ELK1: variants seen among roughly 807,000 people sequenced by gnomAD.
ELK1 encodes the protein ETS transcription factor ELK1.
For synonymous variants in ELK1, 163 were observed against 176.3 expected (o/e 0.92, Z 0.60); for missense variants, 254 against 381.5 (o/e 0.67, Z 2.78).
At chrX:47,650,200 C>G (rs1467833816) in intron 1 of ELK1, among the ~76,000 whole-genome samples, 174 bp from the exon 2 acceptor site, 1 of 110,196 alleles carries the variant, frequency 9.1e-6, no homozygotes, top group Non-Finnish European at 1.9e-5. Flanking sequence ...AGCACGCAGA[C>G]CGATCCATTA....
In ELK1 at chrX:47,639,149, G is replaced by C; in HGVS notation, c.400C>G (p.Pro134Ala). Residue 134 changes from proline (P) to alanine (A), a missense_variant, in exon 4 of 7, where the codon CCC becomes GCC. Physicochemically the swap from Pro to Ala is conservative, Grantham distance 27. Coordinates refer to ENST00000376983, the MANE Select transcript of ELK1 (RefSeq NM_001114123.3). Reference protein sequence around the residue: ...GDTVSGKPGTPKGAGMAGPGG... With the variant: ...GDTVSGKPGTAKGAGMAGPGG... ...GGGCCTGCCATTCCTGCACCCTTGGGTGTGCCTGGCTTTCCAGAGACAGTG... is the reference window on the plus strand; with the variant it reads ...GGGCCTGCCATTCCTGCACCCTTGGCTGTGCCTGGCTTTCCAGAGACAGTG... The C allele has an allele frequency of 8.3e-7, 1 of 1,208,156 alleles. No individual in the cohort carries two copies. Among genetic ancestry groups the C allele is most frequent in the Non-Finnish European group, 1.1e-6 (1 of 893,583 alleles).
rs192153480 is a variant in ELK1 at position 47,638,976 on chromosome X, C to G, written c.573G>C (p.Ala191=). The change falls in exon 4 of 7, where the codon GCG becomes GCC. Residue 191 remains alanine (A), a synonymous_variant. Transcript: ENST00000376983. ...LPSAAPAGAA[A]PPSGSRSTSP... ...TGGTGCTCCTGCTCCCCGAGGGGGG[C>G]GCTGCTGCCCCTGCAGGAGCTGCAC... 1 of 1,198,591 alleles carries G rather than the reference C, an allele frequency of 8.3e-7. No homozygotes were observed. Among genetic ancestry groups the G allele is most frequent in the African/African-American group, 1.7e-5 (1 of 57,438 alleles).
chrX:47,644,994 C>G (rs1367572041), intron 2 of ELK1, among the ~76,000 whole-genome samples: 1 of 111,058 alleles, frequency 9.0e-6, no homozygotes, highest in Non-Finnish European at 1.9e-5. Flanking sequence ...CGAGAAGTAG[C>G]TGGGGTCTGG....
In ELK1 at chrX:47,636,272, T is replaced by C. The variant is rs766329948; in HGVS notation, c.*557A>G. The C allele has an allele frequency of 1.8e-5, 2 of 112,396 alleles. No homozygotes were observed. The highest frequency in any genetic ancestry group is 1.9e-4 in the Admixed American group (2 of 10,650). 9.3% of individuals were successfully genotyped at this position (112,396 alleles called of 1,213,427 possible). A position where few individuals can be genotyped will look rare whatever the true frequency, so the allele number is the denominator to read the frequency against. ...TCTATTCCAAGGGTGTGATTCTTCC[T>C]TGGCCAAGACTCCCAACCCATTAAA... On this transcript the variant is annotated 3_prime_UTR_variant, in exon 7 of 7. Coordinates refer to ENST00000376983, the MANE Select transcript of ELK1 (RefSeq NM_001114123.3).
intron 3 of ELK1, among the ~76,000 whole-genome samples, chrX:47,640,744 A>C (rs779771921): frequency 7.3e-4 from 82 of 111,879 alleles, no homozygotes; most frequent in Non-Finnish European, 1.4e-3. Context: ...GGAGTCCCAG[A>C]GGACGAAGTA....
intron 2 of ELK1, among the ~76,000 whole-genome samples, chrX:47,647,121 T>A (rs2058045939): frequency 9.0e-6 from 1 of 110,706 alleles, no homozygotes; most frequent in South Asian, 3.8e-4. Flanking sequence ...CTAATTTTAC[T>A]TATTTATTTT....
chrX:47,643,947 T>C (rs1264677555), intron 2 of ELK1, among the ~76,000 whole-genome samples: 1 of 111,736 alleles, frequency 8.9e-6, no homozygotes, highest in African/African-American at 3.3e-5. Flanking sequence ...CAGCATGTCC[T>C]TCAAAGAACA....
Position 47,649,400 on chromosome X carries a change from A to C in ELK1, c.-35+521T>G, listed in dbSNP as rs192546886. On this transcript the variant is annotated intron_variant, in intron 2 of 6. Coordinates refer to ENST00000376983, the MANE Select transcript of ELK1 (RefSeq NM_001114123.3). ...GGGAAAAAAAAAGAGAAGGAAATTGAAAGTACACGGCCGATCTTCCCCCAA... is the reference window on the plus strand; with the variant it reads ...GGGAAAAAAAAAGAGAAGGAAATTGCAAGTACACGGCCGATCTTCCCCCAA... 233 of 110,454 alleles carry C rather than the reference A, an allele frequency of 2.1e-3. 1 individual carries two copies. The highest frequency in any genetic ancestry group is 7.3e-3 in the African/African-American group (222 of 30,239). 9.1% of individuals were successfully genotyped at this position (110,454 alleles called of 1,213,427 possible).
intron 3 of ELK1, among the ~76,000 whole-genome samples, chrX:47,640,707 G>A (rs866162704): frequency 8.9e-6 from 1 of 112,001 alleles, no homozygotes; most frequent in African/African-American, 3.3e-5. Context: ...AGGAATAAGA[G>A]AAGAAAATAA....
At position 47,638,977 on chromosome X, in the gene ELK1, G is replaced by A. The variant is rs757822037; in HGVS notation, c.572C>T (p.Ala191Val). 22 of 1,198,892 alleles carry A rather than the reference G, an allele frequency of 1.8e-5. No homozygotes were observed. Among genetic ancestry groups the A allele is most frequent in the Non-Finnish European group, 2.4e-5 (21 of 889,496 alleles). Residue 191 changes from alanine (A) to valine (V), a missense_variant, in exon 4 of 7, where the codon GCG becomes GTG. Ala to Val is a moderately conservative substitution (Grantham distance 64). Coordinates refer to ENST00000376983, the MANE Select transcript of ELK1 (RefSeq NM_001114123.3). ...GGTGCTCCTGCTCCCCGAGGGGGGC[G>A]CTGCTGCCCCTGCAGGAGCTGCACT... ...LPSAAPAGAAAPPSGSRSTSP... is the reference protein window; with the variant it reads ...LPSAAPAGAAVPPSGSRSTSP...
chrX:47,645,110 G>A (rs2058039607), intron 2 of ELK1, among the ~76,000 whole-genome samples: 1 of 110,903 alleles, frequency 9.0e-6, no homozygotes, highest in Non-Finnish European at 1.9e-5. Context: ...CACCCACAAA[G>A]ACAGCATTGT....
chrX:47,650,584 T>C (rs1317395895), upstream of ELK1: 1 of 287,120 alleles, frequency 3.5e-6, no homozygotes, highest in Non-Finnish European at 6.5e-6. Context: ...TGCGTTTCCC[T>C]ACAGCTCACG....
Position 47,636,780 on chromosome X carries a change from A to G in ELK1, c.*49T>C, listed in dbSNP as rs753398906. The G allele has an allele frequency of 2.9e-6, 3 of 1,038,278 alleles. No individual in the cohort carries two copies. Among genetic ancestry groups the G allele is most frequent in the South Asian group, 2.3e-5 (1 of 42,809 alleles). The allele number at this position is 1,038,278 out of a possible 1,213,427, so 85.6% of individuals were successfully genotyped here. A position where few individuals can be genotyped will look rare whatever the true frequency, so the allele number is the denominator to read the frequency against. ...CTCCTTGAGATGGCTGGCTGGAGAG[A>G]GCATGGATGGAGTGACCCCAGAAGG... On this transcript the variant is annotated 3_prime_UTR_variant, in exon 7 of 7. Transcript: ENST00000376983.
chrX:47,637,140 C>T (rs1569338362), intron 5 of ELK1, 26 bp from the exon 6 acceptor site: 2 of 1,172,964 alleles, frequency 1.7e-6, no homozygotes, highest in Non-Finnish European at 2.3e-6. Context: ...GGTCGGAGCT[C>T]AAGTGAGTAG....
At chrX:47,638,856 C>T (rs1475671036) in intron 4 of ELK1, 39 bp downstream of exon 4, 5 of 1,167,450 alleles carry the variant, frequency 4.3e-6, no homozygotes, top group Non-Finnish European at 5.7e-6. Context: ...CTCCTCTTTA[C>T]TGCCTCCTCT....
intron 6 of ELK1, 40 bp downstream of exon 6, chrX:47,636,973 G>A (rs759879065): frequency 9.2e-6 from 11 of 1,196,026 alleles, no homozygotes; most frequent in Non-Finnish European, 1.2e-5. Flanking sequence ...GCCATTCTTG[G>A]GTCTCTCACC....
At chrX:47,643,504 G>A (rs1366095276) in intron 2 of ELK1, among the ~76,000 whole-genome samples, 1 of 111,565 alleles carries the variant, frequency 9.0e-6, no homozygotes, top group Non-Finnish European at 1.9e-5. Context: ...GGCCCTTTCT[G>A]GTCTTTATTG....
At chrX:47,645,269 G>A (rs757571967) in intron 2 of ELK1, among the ~76,000 whole-genome samples, 2 of 111,356 alleles carry the variant, frequency 1.8e-5, no homozygotes, top group East Asian at 5.6e-4. Context: ...CCAGGCATAC[G>A]ATCCTTACCG....
chrX:47,636,614 G>T lies in ELK1; in HGVS notation c.*215C>A, dbSNP rs1326731414. On this transcript the variant is annotated 3_prime_UTR_variant, in exon 7 of 7. Transcript: ENST00000376983. ...AGACGTGTAAGGGCGGCCACTGGGG[G>T]ACTGACAGAAAACAGAGAAGTTGTG... 2 of 380,032 alleles carry T rather than the reference G, an allele frequency of 5.3e-6. No homozygotes were observed. The highest frequency in any genetic ancestry group is 9.0e-6 in the Non-Finnish European group (2 of 222,640). The allele number at this position is 380,032 out of a possible 1,213,427, so 31.3% of individuals were successfully genotyped here. A position where few individuals can be genotyped will look rare whatever the true frequency, so the allele number is the denominator to read the frequency against.
Sources: gnomAD v4.1 joint callset for allele counts (sites outside exome capture counted in the v4.1 genomes callset) on GRCh38, gnomAD v4.1.1 for gene constraint, MANE v1.5 for transcripts, NCBI Gene and HGNC (gene_info 2026-07-23, HGNC 2026-07-21) for gene names.